CCDC120: variants seen among roughly 807,000 people sequenced by gnomAD.
CCDC120 encodes the protein coiled-coil domain-containing protein 120.
Under a neutral mutation model 37.6 loss-of-function variants are expected in CCDC120, and 16 were observed. The observed-to-expected ratio is 0.43, with a 90% CI of 0.29 to 0.65. The LOEUF is 0.65. Among genes scored for constraint, CCDC120 ranks in the 30% least tolerant of loss-of-function variants. CCDC120 has a pLI of 0.18. For missense variants in CCDC120, 650 were observed against 657.4 expected (o/e 0.99, Z 0.12); for synonymous variants, 309 against 275.4 (o/e 1.12, Z -1.21).
intron 1 of CCDC120, among the ~76,000 whole-genome samples, chrX:49,060,472 G>GCATGGAA (rs781808649): frequency 1.1e-5 from 1 of 94,683 alleles, no homozygotes; most frequent in East Asian, 4.2e-4. Context: ...AAGCAGCCCA[G>GCATGGAA]CATGGAATTG....
upstream of CCDC120, among the ~76,000 whole-genome samples, chrX:49,056,625 C>CA (rs56112125): frequency 0.067 from 3,150 of 47,091 alleles, 467 homozygotes; most frequent in African/African-American, 0.24. Context: ...GACTCCGTCT[C>CA]AAAAAAAAAA....
intron 7 of CCDC120, 31 bp downstream of exon 7, chrX:49,065,129 C>A (rs782374368): frequency 1.9e-4 from 221 of 1,174,970 alleles, no homozygotes; most frequent in Non-Finnish European, 2.5e-4. Flanking sequence ...AACCTGCCCC[C>A]GACTCCTACG....
At chrX:49,054,430 T>C (rs1411335453), upstream of CCDC120, among the ~76,000 whole-genome samples, 4 of 111,149 alleles carry the variant, frequency 3.6e-5, no homozygotes, top group East Asian at 2.8e-4. Context: ...CTCTCCTATA[T>C]ACTCGTGATC....
In CCDC120 at chrX:49,067,963, G is replaced by A. The variant is rs1177171573; in HGVS notation, c.1849G>A (p.Val617Met). 7 of 1,147,388 alleles carry A rather than the reference G, an allele frequency of 6.1e-6. No homozygotes were observed. The highest frequency in any genetic ancestry group is 6.6e-5 in the East Asian group (2 of 30,389). 94.6% of individuals were successfully genotyped at this position (1,147,388 alleles called of 1,213,427 possible). Residue 617 changes from valine (V) to methionine (M), a missense_variant, in exon 10 of 11, where the codon GTG becomes ATG. Transcript: ENST00000603986. ...CCAGCGCCGGCCTGTGCTCCCTTCC[G>A]TGGGCCCGCCACACCCACCCTTCCT... Reference protein sequence around the residue: ...GPQRRPVLPSVGPPHPPFLHA... With the variant: ...GPQRRPVLPSMGPPHPPFLHA...
intron 9 of CCDC120, 48 bp downstream of exon 9, chrX:49,065,893 A>G (rs1557081086): frequency 9.4e-7 from 1 of 1,061,313 alleles, no homozygotes; most frequent in African/African-American, 1.9e-5. Flanking sequence ...GGAGGGAACC[A>G]TTAGTTCTCA....
At chrX:49,055,917 C>T (rs1227216169), upstream of CCDC120, among the ~76,000 whole-genome samples, 1 of 111,997 alleles carries the variant, frequency 8.9e-6, no homozygotes, top group Non-Finnish European at 1.9e-5. Context: ...GTTTTCACAT[C>T]TTACATAGTG....
In CCDC120 at chrX:49,068,603, T is replaced by C; in HGVS notation, c.2036T>C (p.Leu679Pro). The change falls in exon 11 of 11, where the codon CTA becomes CCA. Residue 679 changes from leucine to proline, a missense_variant. Leu to Pro is a moderately conservative substitution (Grantham distance 98). Around this residue, in one of 3 missense-constraint regions of CCDC120, gnomAD observed 576 missense variants for 565.3 expected, o/e 1.02. Transcript: ENST00000603986. ...AGCGCTCGTTTAAGTGACCTGACGCTAGAGGGGGAGCAGTCCTCCAGTTCT... is the reference window on the plus strand; with the variant it reads ...AGCGCTCGTTTAAGTGACCTGACGCCAGAGGGGGAGCAGTCCTCCAGTTCT... Reference protein sequence around the residue: ...ELSARLSDLTLEGEQSSSSDT... With the variant: ...ELSARLSDLTPEGEQSSSSDT... 1.7e-6 allele frequency: 2 copies of C among 1,157,226 alleles called. No individual in the cohort carries two copies. The highest frequency in any genetic ancestry group is 6.7e-5 in the East Asian group (2 of 29,935).
At chrX:49,063,710 G>A (rs782178333) in intron 4 of CCDC120, 151 bp from the exon 5 acceptor site, 14 of 571,249 alleles carry the variant, frequency 2.5e-5, no homozygotes, top group Non-Finnish European at 3.4e-5. Context: ...CTGCCTAGTG[G>A]AGATACTGGT....
At position 49,067,170 on chromosome X, in the gene CCDC120, C is replaced by T. The variant is rs782324966; in HGVS notation, c.1062-6C>T. On this transcript the variant is annotated splice_polypyrimidine_tract_variant and splice_region_variant and intron_variant, in intron 9 of 10. Transcript: ENST00000603986. Reference sequence around the variant, plus strand: ...CTATTCCCATGACCCTCGCCTCTCACCCCAGACCTGAAGGCCTTCATTCTC... The same window carrying T: ...CTATTCCCATGACCCTCGCCTCTCATCCCAGACCTGAAGGCCTTCATTCTC... 2 of 1,205,501 alleles carry T rather than the reference C, an allele frequency of 1.7e-6. No individual in the cohort carries two copies. The highest frequency in any genetic ancestry group is 1.8e-5 in the African/African-American group (1 of 57,106).
At chrX:49,055,770 C>T (rs2064826054), upstream of CCDC120, among the ~76,000 whole-genome samples, 2 of 111,759 alleles carry the variant, frequency 1.8e-5, no homozygotes, top group African/African-American at 6.5e-5. Flanking sequence ...CCTATCTTAT[C>T]CTGAAAATCT....
At chrX:49,066,225 G>A (rs963001212) in intron 9 of CCDC120, among the ~76,000 whole-genome samples, 38 of 110,331 alleles carry the variant, frequency 3.4e-4, no homozygotes, top group African/African-American at 1.2e-3. Flanking sequence ...GCGAAACTCC[G>A]TCTCAAAACA....
chrX:49,059,890 CG>C (rs2064864716), intron 1 of CCDC120, among the ~76,000 whole-genome samples: 1 of 111,473 alleles, frequency 9.0e-6, no homozygotes, highest in Non-Finnish European at 1.9e-5. Flanking sequence ...ATCCCTTTCT[CG>C]CCATCTGGGC....
chrX:49,065,109 C>G lies in CCDC120; in HGVS notation c.787+11C>G. 1 of 1,209,074 alleles carries G rather than the reference C, an allele frequency of 8.3e-7. No individual in the cohort carries two copies. The highest frequency in any genetic ancestry group is 1.1e-6 in the Non-Finnish European group (1 of 893,065). ...CCAGCCATGACAACGGTGAGGACTC[C>G]TATCCCCCAAACCTGCCCCCGACTC... On this transcript the variant is annotated intron_variant, in intron 7 of 10. Coordinates refer to ENST00000603986, the MANE Select transcript of CCDC120 (RefSeq NM_001163321.4).
chrX:49,066,074 T>C lies in CCDC120; in HGVS notation c.1061+229T>C, dbSNP rs782403408. Among the ~76,000 whole-genome samples the C allele has an allele frequency of 1.3e-4, 14 of 111,498 alleles. 1 individual carries two copies. The South Asian group carries it at 5.3e-3, about 42-fold the overall frequency. On this transcript the variant is annotated intron_variant, in intron 9 of 10. Transcript: ENST00000603986. ...CCTGTCTCTACTAAAAATACAAAAA[T>C]TAGCTGGGCATGGTGGGGCATGCCT...
chrX:49,064,428 C>A lies in CCDC120; in HGVS notation c.488C>A (p.Ala163Asp). 2 of 1,175,436 alleles carry A rather than the reference C, an allele frequency of 1.7e-6. No individual in the cohort carries two copies. The highest frequency in any genetic ancestry group is 3.2e-5 in the East Asian group (1 of 31,396). ...TCAGTGCAACAGCAGATCGCGGCGG[C>A]CGCCCGCCGCCTGGCCTTGGCCCCT... ...EVSVQQQIAAAARRLALAPDL... is the reference protein window; with the variant it reads ...EVSVQQQIAADARRLALAPDL... Residue 163 changes from alanine to aspartate, a missense_variant, in exon 6 of 11, where the codon GCC becomes GAC. By Grantham distance (126) the Ala-to-Asp change is moderately radical. Around this residue, in one of 3 missense-constraint regions of CCDC120, gnomAD observed 576 missense variants for 565.3 expected, o/e 1.02. Coordinates refer to ENST00000603986, the MANE Select transcript of CCDC120 (RefSeq NM_001163321.4).
At chrX:49,065,416 C>G in intron 7 of CCDC120, 38 bp from the exon 8 acceptor site, 1 of 1,148,270 alleles carries the variant, frequency 8.7e-7, no homozygotes, top group Non-Finnish European at 1.2e-6. Flanking sequence ...CTGGGCCCCC[C>G]TCATTGAATT....
intron 9 of CCDC120, 78 bp downstream of exon 9, chrX:49,065,923 A>C: frequency 1.0e-6 from 1 of 958,469 alleles, no homozygotes; most frequent in Non-Finnish European, 1.4e-6. Flanking sequence ...TGAGGACAAC[A>C]TTATCAAAAG....
At chrX:49,059,843 G>A (rs2064863843) in intron 1 of CCDC120, among the ~76,000 whole-genome samples, 1 of 107,375 alleles carries the variant, frequency 9.3e-6, no homozygotes, top group Admixed American at 9.9e-5. Flanking sequence ...GAGACCTGGG[G>A]TTGGTGTGGG....
chrX:49,065,133 TCCTACGTCCCTTTAGC>T (rs782142074), intron 7 of CCDC120, 35 bp downstream of exon 7: 1 of 1,171,765 alleles, frequency 8.5e-7, no homozygotes, highest in South Asian at 1.8e-5. Flanking sequence ...TGCCCCCGAC[TCCTACGTCCCTTTAGC>T]CCATCCCCTT....
Sources: gnomAD v4.1 joint callset for allele counts (sites outside exome capture counted in the v4.1 genomes callset) on GRCh38, gnomAD v4.1.1 for gene constraint, gnomAD v4.1.1 regional missense constraint, MANE v1.5 for transcripts, NCBI Gene and HGNC (gene_info 2026-07-23, HGNC 2026-07-21) for gene names.